TPM3: variants seen among roughly 807,000 people sequenced by gnomAD.
TPM3 encodes tropomyosin alpha-3 chain.
TPM3 carries 16 observed loss-of-function variants against 43.1 expected under a neutral mutation model. The observed-to-expected ratio is 0.37, with a 90% CI of 0.25 to 0.56. The LOEUF is 0.56. TPM3 is among the 20% of genes least tolerant of loss of function. The pLI is 0.77. For synonymous variants in TPM3, 101 were observed against 116.9 expected, an observed-to-expected ratio of 0.86 and a Z score of 0.88; for missense variants, 176 against 337.2, an observed-to-expected ratio of 0.52 and a Z score of 3.74.
At chr1:154,187,176 G>T in intron 2 of TPM3, 1 of 339,146 alleles carries the variant, frequency 2.9e-6, no homozygotes, top group Non-Finnish European at 4.2e-6. Context: ...ACCCTTTGAG[G>T]CAGGGGTCAT....
In TPM3 at chr1:154,176,147, T is replaced by C; in HGVS notation, c.345A>G (p.Glu115=). The C allele has an allele frequency of 6.2e-7, 1 of 1,614,154 alleles. No individual in the cohort carries two copies. The highest frequency in any genetic ancestry group is 8.5e-7 in the Non-Finnish European group (1 of 1,180,044). ...ERLATALQKL[E]EAEKAADESE... ...TCTCATCAGCAGCTTTTTCAGCTTC[T>C]TCCAGCTTTTGCAGGGCAGTGGCCA... Residue 115 remains glutamate (E), a synonymous_variant, in exon 3 of 10, where the codon GAA becomes GAG. Transcript: ENST00000651641.
At chr1:154,185,763 C>T (rs983109748) in intron 2 of TPM3, among the ~76,000 whole-genome samples, 2 of 151,266 alleles carry the variant, frequency 1.3e-5, no homozygotes, top group African/African-American at 4.9e-5. Flanking sequence ...CAGGCACTGC[C>T]ATGCAGGATT....
chr1:154,175,459 TC>T (rs530839007), intron 3 of TPM3, among the ~76,000 whole-genome samples: 1 of 151,846 alleles, frequency 6.6e-6, no homozygotes, highest in African/African-American at 2.4e-5. Context: ...CCCAGTGATT[TC>T]CCCCCTCACC....
At chr1:154,191,389 C>T in intron 1 of TPM3, 78 bp from the exon 2 acceptor site, 1 of 1,603,634 alleles carries the variant, frequency 6.2e-7, no homozygotes, top group Non-Finnish European at 8.5e-7. Context: ...TCTTGGAGCC[C>T]TGAGTGTAAC....
At chr1:154,171,177 G>GT (rs1661533576) in intron 6 of TPM3, 1 of 610,092 alleles carries the variant, frequency 1.6e-6, no homozygotes, top group African/African-American at 1.8e-5. Context: ...CAGCACAGCA[G>GT]TATCAGCCTA....
At chr1:154,174,368 G>GTGTGTGTA (rs1389219269) in intron 3 of TPM3, among the ~76,000 whole-genome samples, 1 of 46,354 alleles carries the variant, frequency 2.2e-5, no homozygotes, top group African/African-American at 6.7e-5. Flanking sequence ...AAATATATGT[G>GTGTGTGTA]TATATATATA....
Position 154,167,627 on chromosome 1 carries a change from G to A in TPM3, c.*310C>T. Reference sequence around the variant, plus strand: ...AATAGACACACACAAAAGTGGCTTTGATTACATAAGTCAGAGGAGGGGGAG... The same window carrying A: ...AATAGACACACACAAAAGTGGCTTTAATTACATAAGTCAGAGGAGGGGGAG... On this transcript the variant is annotated 3_prime_UTR_variant, in exon 10 of 10. Coordinates refer to ENST00000651641, the MANE Select transcript of TPM3 (RefSeq NM_152263.4). 8.0e-7 allele frequency: 1 copy of A among 1,250,728 alleles called. No individual in the cohort carries two copies. The highest frequency in any genetic ancestry group is 3.3e-5 in the East Asian group (1 of 30,628). The allele number at this position is 1,250,728 out of a possible 1,614,324, so 77.5% of individuals were successfully genotyped here.
intron 9 of TPM3, 145 bp from the exon 10 acceptor site, chr1:154,168,085 G>T: frequency 8.1e-7 from 1 of 1,239,692 alleles, no homozygotes; most frequent in Non-Finnish European, 1.2e-6. Context: ...GAGAAATGTG[G>T]CTTCTTTTCA....
chr1:154,163,861 C>G lies in TPM3; in HGVS notation c.*4076G>C, dbSNP rs1364518933. Among the ~76,000 whole-genome samples the G allele has an allele frequency of 6.6e-6, 1 of 152,090 alleles. No individual in the cohort carries two copies. Among genetic ancestry groups the G allele is most frequent in the East Asian group, 1.9e-4 (1 of 5,182 alleles). ...TGTCAGCCAGGATGGTCTTGATCTC[C>G]TGACCTCGTGATCCGCCCACCTCGG... On this transcript the variant is annotated 3_prime_UTR_variant, in exon 10 of 10. Coordinates refer to ENST00000651641, the MANE Select transcript of TPM3 (RefSeq NM_152263.4).
At chr1:154,178,493 C>A (rs1662590877) in intron 2 of TPM3, among the ~76,000 whole-genome samples, 1 of 152,198 alleles carries the variant, frequency 6.6e-6, no homozygotes, top group African/African-American at 2.4e-5. Flanking sequence ...CACAGAGGAT[C>A]AGTTCTCTTT....
chr1:154,189,677 A>G (rs966744496), intron 2 of TPM3, among the ~76,000 whole-genome samples: 2 of 151,904 alleles, frequency 1.3e-5, no homozygotes, highest in African/African-American at 4.8e-5. Flanking sequence ...ACGTGCCTGT[A>G]ATCCCAGTTA....
Position 154,172,581 on chromosome 1 carries a change from T to G in TPM3, c.566+327A>C, listed in dbSNP as rs933194497. On this transcript the variant is annotated intron_variant, in intron 5 of 9. Coordinates refer to ENST00000651641, the MANE Select transcript of TPM3 (RefSeq NM_152263.4). ...CCAGACACTAGATCTTAAATCAGGA[T>G]AGCCACTTTGATGTCTTCCACCCCA... 4 of 450,082 alleles carry G rather than the reference T, an allele frequency of 8.9e-6. No individual in the cohort carries two copies. In the Admixed American group the frequency reaches 1.3e-4, roughly 14 times the overall value. 27.9% of individuals were successfully genotyped at this position (450,082 alleles called of 1,614,324 possible).
chr1:154,187,612 C>T (rs1663464312), intron 2 of TPM3, among the ~76,000 whole-genome samples: 1 of 151,594 alleles, frequency 6.6e-6, no homozygotes, highest in Non-Finnish European at 1.5e-5. Flanking sequence ...TATGTCTGTA[C>T]ATGTGTAAAA....
rs777522493 is a variant in TPM3 at position 154,162,182 on chromosome 1, T to C, written c.*5755A>G. 2.2e-4 allele frequency among the ~76,000 whole-genome samples: 33 copies of C among 151,752 alleles called. No individual in the cohort carries two copies. The highest frequency in any genetic ancestry group is 4.6e-4 in the Non-Finnish European group (31 of 67,938). On this transcript the variant is annotated 3_prime_UTR_variant, in exon 10 of 10. Coordinates refer to ENST00000651641, the MANE Select transcript of TPM3 (RefSeq NM_152263.4). The stretch of plus-strand genomic sequence containing the variant: ...TCAGGAGTTTGAGATCAGCCTAACA[T>C]GTTGAAACCTAGTCTCTACTAAAAA...
intron 3 of TPM3, among the ~76,000 whole-genome samples, chr1:154,174,568 C>T (rs1474886161): frequency 1.4e-5 from 2 of 147,060 alleles, no homozygotes; most frequent in African/African-American, 5.0e-5. Flanking sequence ...GAGGGAGGCT[C>T]ACTGCAACCT....
intron 2 of TPM3, chr1:154,187,351 C>T: frequency 1.0e-6 from 1 of 984,754 alleles, no homozygotes; most frequent in Non-Finnish European, 1.2e-6. Context: ...AGGAAAGAAA[C>T]CTTTCTTCTT....
At chr1:154,174,389 T>TAA (rs1662017060) in intron 3 of TPM3, among the ~76,000 whole-genome samples, 2 of 102,106 alleles carry the variant, frequency 2.0e-5, no homozygotes, top group Non-Finnish European at 3.7e-5. Flanking sequence ...TATATATATA[T>TAA]ATATATATAT....
chr1:154,191,454 A>G, intron 1 of TPM3, 143 bp from the exon 2 acceptor site: 1 of 1,458,176 alleles, frequency 6.9e-7, no homozygotes, highest in Non-Finnish European at 9.3e-7. Flanking sequence ...CTTCCAGCCC[A>G]CTGCCTCAGG....
chr1:154,171,204 A>G, intron 6 of TPM3: 1 of 642,382 alleles, frequency 1.6e-6, no homozygotes, highest in Non-Finnish European at 2.8e-6. Flanking sequence ...ACATGACTCC[A>G]GTAACCTGAG....
Sources: gnomAD v4.1 joint callset for allele counts (sites outside exome capture counted in the v4.1 genomes callset) on GRCh38, gnomAD v4.1.1 for gene constraint, MANE v1.5 for transcripts, NCBI Gene and HGNC (gene_info 2026-07-23, HGNC 2026-07-21) for gene names.